The following FMN1 variants were observed in gnomAD, a reference collection of about 807,000 sequenced individuals.
The protein encoded by FMN1 is formin-1.
In FMN1, 110 loss-of-function variants were observed where a neutral mutation model predicts 132.4. The ratio of observed to expected loss-of-function variants is 0.83; its 90% CI spans 0.71 to 0.97. FMN1 has a LOEUF of 0.97. Among genes scored for constraint, FMN1 ranks in the 50% least tolerant of loss-of-function variants. The pLI is 0.00. For missense variants in FMN1, 1,792 were observed against 1,705.3 expected, an observed-to-expected ratio of 1.05 and a Z score of -0.90; for synonymous variants, 722 against 651.7, an observed-to-expected ratio of 1.11 and a Z score of -1.64.
intron 16 of FMN1, among the ~76,000 whole-genome samples, chr15:32,859,772 C>T (rs72717689): frequency 0.25 from 38,492 of 152,064 alleles, 5,284 homozygotes; most frequent in East Asian, 0.4. Flanking sequence ...TGTCGTGGTT[C>T]GCACCTGTAA....
chr15:32,898,968 C>T lies in FMN1; in HGVS notation c.3655-75G>A, dbSNP rs952700836. On this transcript the variant is annotated intron_variant, in intron 14 of 20. Transcript: ENST00000616417. ...ATGTTACACGGTTGAGAGGTGAAAT[C>T]TCAGTTGAGAAATTTCTAATTCGTG... 3.6e-5 allele frequency: 37 copies of T among 1,016,438 alleles called. No homozygotes were observed. In the South Asian group the frequency reaches 5.1e-4, roughly 14 times the overall value. The allele number at this position is 1,016,438 out of a possible 1,614,324, so 63.0% of individuals were successfully genotyped here. A position where few individuals can be genotyped will look rare whatever the true frequency, so the allele number is the denominator to read the frequency against.
At chr15:32,843,617 A>G (rs1310367870) in intron 17 of FMN1, among the ~76,000 whole-genome samples, 5 of 152,244 alleles carry the variant, frequency 3.3e-5, no homozygotes, top group African/African-American at 2.4e-5. Flanking sequence ...CTATATTACA[A>G]TTACTCACGC....
chr15:33,164,541 T>G (rs935805178), intron 3 of FMN1, among the ~76,000 whole-genome samples: 2 of 152,214 alleles, frequency 1.3e-5, no homozygotes, highest in African/African-American at 4.8e-5. Flanking sequence ...CCAGATATGT[T>G]AACAAGGTGT....
intron 17 of FMN1, among the ~76,000 whole-genome samples, chr15:32,848,681 G>A (rs560274702): frequency 1.1e-4 from 17 of 152,246 alleles, no homozygotes; most frequent in African/African-American, 4.1e-4. Context: ...CAGAATCTTA[G>A]GGAAAAATGT....
intron 17 of FMN1, among the ~76,000 whole-genome samples, chr15:32,834,677 T>C (rs1567241700): frequency 6.6e-6 from 1 of 152,212 alleles, no homozygotes; most frequent in Non-Finnish European, 1.5e-5. Context: ...CAGCAATTTT[T>C]CCCTAAGACA....
intron 6 of FMN1, among the ~76,000 whole-genome samples, chr15:33,050,428 C>A (rs1471937043): frequency 2.0e-5 from 3 of 151,710 alleles, no homozygotes; most frequent in Non-Finnish European, 4.4e-5. Flanking sequence ...TTCTTCAAAT[C>A]AGTAAGAAAA....
At chr15:33,112,968 G>A (rs562282336) in intron 4 of FMN1, among the ~76,000 whole-genome samples, 59 of 152,300 alleles carry the variant, frequency 3.9e-4, no homozygotes, top group African/African-American at 1.3e-3. Context: ...AAGTCTAAGA[G>A]AACCTTCGCT....
intron 15 of FMN1, among the ~76,000 whole-genome samples, chr15:32,890,168 TTGAC>T (rs1354039798): frequency 4.6e-5 from 7 of 152,170 alleles, no homozygotes; most frequent in African/African-American, 1.7e-4. Context: ...TAATCACTCT[TTGAC>T]TGATGGGCAT....
At chr15:33,074,648 C>G (rs763677339) in intron 5 of FMN1, among the ~76,000 whole-genome samples, 25 of 152,172 alleles carry the variant, frequency 1.6e-4, no homozygotes, top group Non-Finnish European at 2.9e-5. Context: ...TCTTGTGAAG[C>G]TTGAACAAAG....
At chr15:33,171,596 A>G (rs1595597060) in intron 3 of FMN1, among the ~76,000 whole-genome samples, 2 of 152,222 alleles carry the variant, frequency 1.3e-5, no homozygotes, top group Non-Finnish European at 2.9e-5. Context: ...AATTCCAGCA[A>G]TGGTTCTTGG....
intron 4 of FMN1, among the ~76,000 whole-genome samples, chr15:33,134,002 G>A (rs533191581): frequency 6.6e-6 from 1 of 152,054 alleles, no homozygotes; most frequent in African/African-American, 2.4e-5. Flanking sequence ...CTCCCAGGCT[G>A]GAGTGCAGTG....
chr15:33,151,449 C>T (rs1373828879), intron 4 of FMN1: 2 of 1,480,028 alleles, frequency 1.4e-6, no homozygotes, highest in African/African-American at 1.4e-5. Flanking sequence ...ATCATCCATT[C>T]ACCTTGTCAC....
intron 18 of FMN1, 149 bp from the exon 19 acceptor site, chr15:32,799,102 G>T: frequency 1.5e-6 from 1 of 650,188 alleles, no homozygotes; most frequent in Non-Finnish European, 2.6e-6. Flanking sequence ...GAAGTTTATT[G>T]TAAACCTCAG....
In FMN1 at chr15:32,949,088, T is replaced by C. The variant is rs1596327649; in HGVS notation, c.3138+15019A>G. Among the ~76,000 whole-genome samples, 6 of 152,276 alleles carry C rather than the reference T, an allele frequency of 3.9e-5. No individual in the cohort carries two copies. In the East Asian group the frequency reaches 9.6e-4, roughly 24 times the overall value. On this transcript the variant is annotated intron_variant, in intron 9 of 20. Coordinates refer to ENST00000616417, the MANE Select transcript of FMN1 (RefSeq NM_001277313.2). ...CATCCTATGAGTCTTATCAGTATTT[T>C]TGTTTTTTGCTAAGTGTTTTTAAAA...
At chr15:32,888,051 G>T in intron 16 of FMN1, 121 bp downstream of exon 16, 1 of 735,812 alleles carries the variant, frequency 1.4e-6, no homozygotes, top group Non-Finnish European at 2.1e-6. Context: ...GAAAGCTGTA[G>T]TGTACCATTG....
chr15:32,892,127 T>G (rs1026375564), intron 15 of FMN1, among the ~76,000 whole-genome samples: 9 of 152,204 alleles, frequency 5.9e-5, no homozygotes, highest in African/African-American at 1.9e-4. Flanking sequence ...CATCCTTGTC[T>G]TGTTCCAGTT....
chr15:33,060,726 A>G (rs577507006), intron 6 of FMN1, among the ~76,000 whole-genome samples: 1 of 152,340 alleles, frequency 6.6e-6, no homozygotes, highest in East Asian at 1.9e-4. Context: ...GGTAGAGAGA[A>G]AAGCTTTTCC....
intron 16 of FMN1, among the ~76,000 whole-genome samples, chr15:32,858,813 C>G (rs1043998832): frequency 2.0e-5 from 3 of 152,132 alleles, no homozygotes; most frequent in Non-Finnish European, 4.4e-5. Flanking sequence ...TTTTTGTCCT[C>G]TCTACAATAA....
chr15:32,943,733 A>G (rs2061446034), intron 9 of FMN1, among the ~76,000 whole-genome samples: 1 of 152,220 alleles, frequency 6.6e-6, no homozygotes, highest in Non-Finnish European at 1.5e-5. Context: ...CTTTAGCTGC[A>G]TTAGAGAGCA....
Sources: allele counts gnomAD v4.1 joint callset (sites outside exome capture counted in the v4.1 genomes callset), GRCh38; gene constraint gnomAD v4.1.1; transcripts MANE v1.5; gene names NCBI Gene and HGNC (gene_info 2026-07-23, HGNC 2026-07-21).